Variants in RBM28 observed in about 807,000 individuals in gnomAD.
RBM28 encodes RNA binding motif protein 28, also known as RNA-binding protein 28.
In RBM28, 78 loss-of-function variants were observed where a neutral mutation model predicts 98.3. The observed-to-expected ratio is 0.79, with a 90% confidence interval of 0.66 to 0.96. The LOEUF (loss-of-function observed/expected upper bound fraction) is 0.96. RBM28 is among the 40% of genes least tolerant of loss of function. RBM28 has a pLI of 0.00. For synonymous variants in RBM28, 306 were observed against 330.9 expected, an observed-to-expected ratio of 0.92 and a Z score of 0.82; for missense variants, 838 against 913.0, an observed-to-expected ratio of 0.92 and a Z score of 1.06.
chr7:128,313,361 C>A (rs1440459804), intron 17 of RBM28, 87 bp from the exon 18 acceptor site: 32 of 1,286,390 alleles, frequency 2.5e-5, no homozygotes, highest in Middle Eastern at 2.1e-4. Flanking sequence ...CCTTCCCAAG[C>A]CCATGATAAG....
rs1373940420 is a variant in RBM28 at position 128,298,671 on chromosome 7, C to G, written c.*12126G>C. ...CAAGCAAAGGATCACTCATTTTCCC[C>G]TTAACTGAGAACAAGGGCTGCACAT... is the stretch of plus-strand genomic sequence containing the variant. On this transcript the variant is annotated 3_prime_UTR_variant, in exon 19 of 19. Coordinates refer to ENST00000223073, the MANE Select transcript of RBM28 (RefSeq NM_018077.3). The G allele has an allele frequency of 6.6e-6, 1 of 152,148 alleles. No homozygotes were observed. Among genetic ancestry groups the G allele is most frequent in the Non-Finnish European group, 1.5e-5 (1 of 68,056 alleles). 9.4% of individuals were successfully genotyped at this position (152,148 alleles called of 1,614,324 possible).
Position 128,314,857 on chromosome 7 carries a change from T to C in RBM28, c.1952A>G (p.Gln651Arg). ...CACCTGCTCCACTTCAGCCTTGGTC[T>C]GGAACCCGGTCCATGAGGTAGAGCC... ...KAGSTSWTGF[Q>R]TKAEVEQVEL... is the part of the protein sequence containing the mutation. The change falls in exon 17 of 19, where the codon CAG becomes CGG. Residue 651 changes from glutamine (Q) to arginine (R), a missense_variant. By Grantham distance (43) the Gln-to-Arg change is conservative. Transcript: ENST00000223073. 1 of 1,614,178 alleles carries C rather than the reference T, an allele frequency of 6.2e-7. No homozygotes were observed. The highest frequency in any genetic ancestry group is 8.5e-7 in the Non-Finnish European group (1 of 1,180,028).
intron 1 of RBM28, among the ~76,000 whole-genome samples, chr7:128,342,938 C>G (rs1323197028): frequency 6.6e-6 from 1 of 152,182 alleles, no homozygotes; most frequent in East Asian, 1.9e-4. Context: ...CTCTTCACCC[C>G]CTCTCCCCAC....
rs1796785504 is a variant in RBM28, at chr7:128,343,839, C to T, written c.-46G>A. On this transcript the variant is annotated 5_prime_UTR_variant, in exon 1 of 19. Coordinates refer to ENST00000223073, the MANE Select transcript of RBM28 (RefSeq NM_018077.3). ...GCGTGAGGACGCGAGCAAACTAGGC[C>T]GGCGCACGCGAGCCGAAACGCTGGC... 1 of 1,390,700 alleles carries T rather than the reference C, an allele frequency of 7.2e-7. No individual in the cohort carries two copies. Among genetic ancestry groups the T allele is most frequent in the African/African-American group, 1.5e-5 (1 of 68,858 alleles). 86.1% of individuals were successfully genotyped at this position (1,390,700 alleles called of 1,614,324 possible). A position where few individuals can be genotyped will look rare whatever the true frequency, so the allele number is the denominator to read the frequency against.
At chr7:128,320,406 TAA>T (rs1183275186) in intron 14 of RBM28, among the ~76,000 whole-genome samples, 8 of 92,944 alleles carry the variant, frequency 8.6e-5, no homozygotes, top group Admixed American at 2.1e-4. Flanking sequence ...AGACCACATC[TAA>T]AAAAAAAAAA....
intron 9 of RBM28, among the ~76,000 whole-genome samples, chr7:128,331,964 AAGAT>A (rs1181742307): frequency 1.3e-5 from 2 of 152,196 alleles, no homozygotes; most frequent in African/African-American, 4.8e-5. Context: ...TGCCTTATCT[AAGAT>A]AGACATAGTT....
rs139000242 is a variant in RBM28 at position 128,336,342 on chromosome 7, A to C, written c.614-300T>G. Among the ~76,000 whole-genome samples the C allele has an allele frequency of 1.8e-3, 267 of 152,342 alleles. 7 individuals are homozygous for C. The East Asian group carries it at 0.046, about 26-fold the overall frequency. ...TCTCCAAGCAGTCTACCATTCGTACATCATAGCCAGCAAAATGCTCACTAG... is the reference window on the plus strand; with the variant it reads ...TCTCCAAGCAGTCTACCATTCGTACCTCATAGCCAGCAAAATGCTCACTAG... On this transcript the variant is annotated intron_variant, in intron 6 of 18. Transcript: ENST00000223073.
chr7:128,301,053 G>A lies in RBM28; in HGVS notation c.*9744C>T, dbSNP rs1257196791. On this transcript the variant is annotated 3_prime_UTR_variant, in exon 19 of 19. Transcript: ENST00000223073. Reference sequence around the variant, plus strand: ...GGAGGTGGGGCCAGCACCACCTGAGGACATGTAGCCTTCCCAGGATTCTGG... The same window carrying A: ...GGAGGTGGGGCCAGCACCACCTGAGAACATGTAGCCTTCCCAGGATTCTGG... The A allele has an allele frequency of 6.6e-6, 1 of 152,266 alleles. No homozygotes were observed. Among genetic ancestry groups the A allele is most frequent in the Non-Finnish European group, 1.5e-5 (1 of 68,088 alleles). The allele number at this position is 152,266 out of a possible 1,614,324, so 9.4% of individuals were successfully genotyped here.
intron 1 of RBM28, among the ~76,000 whole-genome samples, chr7:128,340,056 T>A (rs1796691269): frequency 6.6e-6 from 1 of 152,174 alleles, no homozygotes; most frequent in Non-Finnish European, 1.5e-5. Flanking sequence ...TTCTTCCCCC[T>A]TTCTTGATAA....
Position 128,338,846 on chromosome 7 carries a change from C to A in RBM28, c.373-45G>T, listed in dbSNP as rs570645560. ...AAGAAAAAGAGAAACACAATCACAGCAAATTAACATAAAACATCAACTACT... is the reference window on the plus strand; with the variant it reads ...AAGAAAAAGAGAAACACAATCACAGAAAATTAACATAAAACATCAACTACT... On this transcript the variant is annotated intron_variant, in intron 3 of 18. Transcript: ENST00000223073. 2.3e-6 allele frequency: 3 copies of A among 1,320,456 alleles called. No individual in the cohort carries two copies. In the South Asian group the frequency reaches 3.5e-5, roughly 16 times the overall value. 81.8% of individuals were successfully genotyped at this position (1,320,456 alleles called of 1,614,324 possible).
chr7:128,336,823 G>A (rs906032718), intron 6 of RBM28, among the ~76,000 whole-genome samples: 2 of 151,890 alleles, frequency 1.3e-5, no homozygotes, highest in Non-Finnish European at 2.9e-5. Context: ...GGGTGATCTC[G>A]GCTCACTGCA....
chr7:128,341,030 C>A, intron 1 of RBM28: 1 of 720,638 alleles, frequency 1.4e-6, no homozygotes, highest in East Asian at 6.5e-5. Context: ...CACCTTTGCC[C>A]TTTTTGGTTT....
rs2116315600 is a variant in RBM28 at position 128,310,537 on chromosome 7, A to C, written c.*260T>G. 1 of 503,462 alleles carries C rather than the reference A, an allele frequency of 2.0e-6. No individual in the cohort carries two copies. Among genetic ancestry groups the C allele is most frequent in the East Asian group, 3.4e-5 (1 of 29,384 alleles). 31.2% of individuals were successfully genotyped at this position (503,462 alleles called of 1,614,324 possible). On this transcript the variant is annotated 3_prime_UTR_variant, in exon 19 of 19. Transcript: ENST00000223073. ...GAATAAAAATTGGTAATAATTATAGACACAACTTCATACAATAATCTGGAT... is the reference window on the plus strand; with the variant it reads ...GAATAAAAATTGGTAATAATTATAGCCACAACTTCATACAATAATCTGGAT...
chr7:128,317,991 A>G lies in RBM28; in HGVS notation c.1679T>C (p.Ile560Thr). The G allele has an allele frequency of 6.2e-7, 1 of 1,614,208 alleles. No individual in the cohort carries two copies. Among genetic ancestry groups the G allele is most frequent in the Non-Finnish European group, 8.5e-7 (1 of 1,180,040 alleles). ...CCCAAAGATTTCTGGATTGTTGTTG[A>G]TGAGGCGGAGGGCTTTCAGGGCATG... ...HEHALKALRL[I>T]NNNPEIFGPL... The change falls in exon 15 of 19, where the codon ATC becomes ACC. Residue 560 changes from isoleucine to threonine, a missense_variant. Physicochemically the swap from Ile to Thr is moderately conservative, Grantham distance 89. Coordinates refer to ENST00000223073, the MANE Select transcript of RBM28 (RefSeq NM_018077.3).
intron 16 of RBM28, 83 bp from the exon 17 acceptor site, chr7:128,315,103 G>T: frequency 6.4e-7 from 1 of 1,567,862 alleles, no homozygotes; most frequent in Non-Finnish European, 8.8e-7. Flanking sequence ...AGCTTTATGT[G>T]AGCTAGATGA....
chr7:128,326,070 C>T (rs1480198708), intron 10 of RBM28, among the ~76,000 whole-genome samples, 179 bp from the exon 11 acceptor site: 3 of 152,222 alleles, frequency 2.0e-5, no homozygotes, highest in Non-Finnish European at 4.4e-5. Context: ...TTTGGGAGGC[C>T]GATGCGGGCA....
chr7:128,343,692 G>C lies in RBM28; in HGVS notation c.102C>G (p.Phe34Leu), dbSNP rs763472477. The change falls in exon 1 of 19, where the codon TTC becomes TTG. Residue 34 changes from phenylalanine (F) to leucine (L), a missense_variant. Coordinates refer to ENST00000223073, the MANE Select transcript of RBM28 (RefSeq NM_018077.3). ...CGCCCCTACCTTTTTCAGTCACCAC[G>C]AAGCACTGCTTCACCGGCCCCACCT... Reference protein sequence around the residue: ...FSQVGPVKQCFVVTEKGSKAC... With the variant: ...FSQVGPVKQCLVVTEKGSKAC... 3.1e-6 allele frequency: 5 copies of C among 1,610,198 alleles called. No individual in the cohort carries two copies. Among genetic ancestry groups the C allele is most frequent in the African/African-American group, 2.7e-5 (2 of 74,688 alleles).
In RBM28 at chr7:128,302,519, A is replaced by G. The variant is rs1396128363; in HGVS notation, c.*8278T>C. ...TCGGGGAAAAGCAGTTATAAAACTG[A>G]GTAGAGCCAGCGCACCCTTTCCCTA... On this transcript the variant is annotated 3_prime_UTR_variant, in exon 19 of 19. Transcript: ENST00000223073. The G allele has an allele frequency of 1.3e-5, 2 of 152,202 alleles. No homozygotes were observed. The highest frequency in any genetic ancestry group is 6.5e-5 in the Admixed American group (1 of 15,286). The allele number at this position is 152,202 out of a possible 1,614,324, so 9.4% of individuals were successfully genotyped here.
intron 5 of RBM28, 96 bp downstream of exon 5, chr7:128,338,154 C>G (rs1796642091): frequency 1.1e-6 from 1 of 892,910 alleles, no homozygotes; most frequent in Non-Finnish European, 1.9e-6. Context: ...CTTAATAATG[C>G]AAACATCTTT....
Sources: gnomAD v4.1 joint callset for allele counts (sites outside exome capture counted in the v4.1 genomes callset) on GRCh38, gnomAD v4.1.1 for gene constraint, MANE v1.5 for transcripts, NCBI Gene and HGNC (gene_info 2026-07-23, HGNC 2026-07-21) for gene names.